Variants in ABL1 observed in about 807,000 individuals in gnomAD.
ABL1 encodes tyrosine-protein kinase ABL1.
In ABL1, 11 loss-of-function variants were observed where a neutral mutation model predicts 94.7. That is an observed-to-expected ratio of 0.12 (90% CI 0.07 to 0.19). The LOEUF (loss-of-function observed/expected upper bound fraction) is 0.19, where lower values mean the gene tolerates loss of function less well. ABL1 is among the 10% of genes least tolerant of loss of function. ABL1 has a pLI of 1.00. For missense variants in ABL1, 1,082 were observed against 1,489.4 expected, an observed-to-expected ratio of 0.73 and a Z score of 4.50; for synonymous variants, 656 against 622.4, an observed-to-expected ratio of 1.05 and a Z score of -0.80.
At chr9:130,784,563 G>C (rs1464904398) in intron 1 of ABL1, among the ~76,000 whole-genome samples, 1 of 152,188 alleles carries the variant, frequency 6.6e-6, no homozygotes, top group African/African-American at 2.4e-5. Context: ...GGTCTTGGGG[G>C]ATTGTGAGAT....
intron 1 of ABL1, among the ~76,000 whole-genome samples, chr9:130,759,525 C>T (rs1431082470): frequency 6.6e-6 from 1 of 152,164 alleles, no homozygotes; most frequent in Non-Finnish European, 1.5e-5. Flanking sequence ...TAAACATAAA[C>T]AGCAAGGAAT....
At chr9:130,846,670 G>A (rs943358581) in intron 1 of ABL1, among the ~76,000 whole-genome samples, 10 of 152,274 alleles carry the variant, frequency 6.6e-5, no homozygotes, top group African/African-American at 1.9e-4. Flanking sequence ...GAAGCTTCCC[G>A]GGGATGTTTT....
Position 130,855,056 on chromosome 9 carries a change from G to A in ABL1, c.509G>A (p.Arg170Lys), listed in dbSNP as rs1830950822. Residue 170 changes from arginine (R) to lysine (K), a missense_variant, in exon 3 of 11, where the codon AGG becomes AAG. This residue lies in a region of ABL1 where 47 missense variants were observed against 142.2 expected (regional missense o/e 0.33). Transcript: ENST00000318560. ...QRSISLRYEG[R>K]VYHYRINTAS... ...TCCATCTCGCTGAGATACGAAGGGA[G>A]GGTGTACCATTACAGGATCAACACT... 1.9e-6 allele frequency: 3 copies of A among 1,614,190 alleles called. No homozygotes were observed. Among genetic ancestry groups the A allele is most frequent in the Non-Finnish European group, 8.5e-7 (1 of 1,180,038 alleles).
At chr9:130,878,661 C>G in intron 8 of ABL1, 94 bp downstream of exon 8, 1 of 1,456,956 alleles carries the variant, frequency 6.9e-7, no homozygotes. Flanking sequence ...AAAGTTTTTC[C>G]ATGAGCTCTC....
chr9:130,814,230 T>C lies in ABL1; in HGVS notation c.137-39834T>C, dbSNP rs1297798488. 1.3e-5 allele frequency among the ~76,000 whole-genome samples: 2 copies of C among 151,004 alleles called. No individual in the cohort carries two copies. The highest frequency in any genetic ancestry group is 2.9e-5 in the Non-Finnish European group (2 of 67,870). Reference sequence around the variant, plus strand: ...TTAACCAGGGAGTCGGAGGTTGCAGTGAACCGAGATCGCGCCATTGCACTC... The same window carrying C: ...TTAACCAGGGAGTCGGAGGTTGCAGCGAACCGAGATCGCGCCATTGCACTC... On this transcript the variant is annotated intron_variant, in intron 1 of 10. Coordinates refer to the ABL1 transcript ENST00000372348. The surrounding 1 kb of genome is among the most constrained non-coding windows in gnomAD (Gnocchi z 4.4).
At chr9:130,834,638 G>A (rs1290957770), upstream of ABL1, among the ~76,000 whole-genome samples, 1 of 152,152 alleles carries the variant, frequency 6.6e-6, no homozygotes, top group Non-Finnish European at 1.5e-5. Context: ...CTCATTGTAG[G>A]GACTAAGTCC....
upstream of ABL1, among the ~76,000 whole-genome samples, chr9:130,833,629 T>G (rs937177934): frequency 6.6e-6 from 1 of 152,188 alleles, no homozygotes; most frequent in Non-Finnish European, 1.5e-5. Flanking sequence ...GTACCACGAC[T>G]CTAGCAGTAG....
chr9:130,747,083 G>C (rs112162107), intron 1 of ABL1, among the ~76,000 whole-genome samples: 178 of 151,100 alleles, frequency 1.2e-3, no homozygotes, highest in Admixed American at 2.4e-3. Flanking sequence ...TCTCCCTCAG[G>C]CTGGGCACCC....
chr9:130,789,362 C>CCT (rs1829872912), intron 1 of ABL1, among the ~76,000 whole-genome samples: 1 of 152,196 alleles, frequency 6.6e-6, no homozygotes, highest in African/African-American at 2.4e-5. Flanking sequence ...CTGGTTTTAT[C>CCT]CTATCTGTGT....
intron 1 of ABL1, among the ~76,000 whole-genome samples, chr9:130,725,832 T>TG (rs1564269476): frequency 0.034 from 2,867 of 84,386 alleles, 195 homozygotes; most frequent in African/African-American, 0.18. Flanking sequence ...TGGTTTTTTT[T>TG]TTTTTTTTTT....
At chr9:130,883,861 C>T in intron 10 of ABL1, 108 bp from the exon 11 acceptor site, 3 of 1,359,226 alleles carry the variant, frequency 2.2e-6, no homozygotes, top group Non-Finnish European at 3.0e-6. Context: ...CACTCTGTCT[C>T]CTGGGCTGGA....
intron 1 of ABL1, among the ~76,000 whole-genome samples, chr9:130,780,566 A>T (rs975153318): frequency 6.6e-6 from 1 of 152,146 alleles, no homozygotes; most frequent in Admixed American, 6.5e-5. Context: ...TGCTATTTCT[A>T]GGCGAATTGT....
rs566801064 is a variant in ABL1 at position 130,818,411 on chromosome 9, A to G, written c.137-35653A>G. Among the ~76,000 whole-genome samples, 12 of 152,332 alleles carry G rather than the reference A, an allele frequency of 7.9e-5. No individual in the cohort carries two copies. In the South Asian group the frequency reaches 2.1e-3, roughly 26 times the overall value. The stretch of plus-strand genomic sequence containing the variant: ...CTTGAACCCTGGAGGAAGAGGTTGC[A>G]GTGAGCTGAGATCATACTGCTGCAC... On this transcript the variant is annotated intron_variant, in intron 1 of 10. Coordinates refer to the ABL1 transcript ENST00000372348.
chr9:130,756,812 G>A (rs1165761886), intron 1 of ABL1, among the ~76,000 whole-genome samples: 1 of 152,128 alleles, frequency 6.6e-6, no homozygotes, highest in Non-Finnish European at 1.5e-5. Context: ...GCTATAAGAA[G>A]GTTTTGGAGA....
At chr9:130,731,706 T>G (rs1831668878) in intron 1 of ABL1, among the ~76,000 whole-genome samples, 1 of 152,180 alleles carries the variant, frequency 6.6e-6, no homozygotes, top group Non-Finnish European at 1.5e-5. Flanking sequence ...GGCCTCCTGT[T>G]TTGTTCTTCA....
chr9:130,714,277 G>A, exon 1 of ABL1: 1 of 1,530,708 alleles, frequency 6.5e-7, no homozygotes, highest in African/African-American at 1.4e-5. Context: ...CGTTCTGGAA[G>A]ATCTTGAACC....
In ABL1 at chr9:130,885,356, C is replaced by G. The variant is rs558338170; in HGVS notation, c.3066C>G (p.Ile1022Met). ...LRKTRQPPER[I>M]ASGAITKGVV... The stretch of plus-strand genomic sequence containing the variant: ...AAACCCGCCAGCCTCCAGAGCGGAT[C>G]GCCAGCGGCGCCATCACCAAGGGCG... The change falls in exon 11 of 11, where the codon ATC (isoleucine) becomes ATG (methionine). Residue 1022 changes from isoleucine to methionine, a missense_variant. Coordinates refer to ENST00000318560, the MANE Select transcript of ABL1 (RefSeq NM_005157.6). 1 of 1,613,660 alleles carries G rather than the reference C, an allele frequency of 6.2e-7. No homozygotes were observed. The highest frequency in any genetic ancestry group is 1.7e-5 in the Admixed American group (1 of 60,026).
chr9:130,873,727 C>A (rs1299719828), intron 6 of ABL1, among the ~76,000 whole-genome samples: 2 of 152,178 alleles, frequency 1.3e-5, no homozygotes. Flanking sequence ...CCCAGCAAAG[C>A]GACGGCCTGT....
intron 1 of ABL1, among the ~76,000 whole-genome samples, chr9:130,813,872 C>G (rs546794083): frequency 5.5e-4 from 84 of 152,070 alleles, no homozygotes; most frequent in Non-Finnish European, 1.0e-3. Context: ...AGGATGTAAC[C>G]CAATTTTAAG....
Sources: gnomAD v4.1 joint callset for allele counts (sites outside exome capture counted in the v4.1 genomes callset) on GRCh38, gnomAD v4.1.1 for gene constraint, gnomAD v4.1.1 regional missense constraint, Gnocchi (gnomAD v3.1) non-coding constraint, MANE v1.5 for transcripts, NCBI Gene and HGNC (gene_info 2026-07-23, HGNC 2026-07-21) for gene names.